The following MYO18B variants were observed in gnomAD, a reference collection of about 807,000 sequenced individuals.
MYO18B encodes myosin XVIIIB.
A neutral mutation model predicts 273.0 loss-of-function variants in MYO18B; 204 were observed. The ratio of observed to expected loss-of-function variants is 0.75; its 90% CI spans 0.67 to 0.84. The LOEUF is 0.84. Among genes scored for constraint, MYO18B ranks in the 40% least tolerant of loss-of-function variants. The probability of loss-of-function intolerance (pLI) is 0.00; values close to 1 mark genes in which losing one functional copy is unlikely to be tolerated. For synonymous variants in MYO18B, 1,330 were observed against 1,305.7 expected, an observed-to-expected ratio of 1.02 and a Z score of -0.40; for missense variants, 3,212 against 3,287.6, an observed-to-expected ratio of 0.98 and a Z score of 0.56.
intron 42 of MYO18B, among the ~76,000 whole-genome samples, chr22:26,014,649 A>AT (rs926813455): frequency 1.2e-4 from 18 of 151,730 alleles, no homozygotes; most frequent in African/African-American, 3.9e-4. Flanking sequence ...ATAAATAAAC[A>AT]TTTTTTTTTC....
chr22:26,018,487 G>A (rs1003008530), intron 42 of MYO18B, among the ~76,000 whole-genome samples: 6 of 152,132 alleles, frequency 3.9e-5, no homozygotes, highest in African/African-American at 9.7e-5. Flanking sequence ...CAGTTTTCTT[G>A]CCTGTGCAAT....
chr22:25,932,563 C>G (rs147288750), intron 34 of MYO18B, among the ~76,000 whole-genome samples: 1 of 152,104 alleles, frequency 6.6e-6, no homozygotes, highest in East Asian at 1.9e-4. Flanking sequence ...CATGCGTCAC[C>G]ATGCCCGGCT....
chr22:25,894,275 T>A (rs1389068967), intron 27 of MYO18B, among the ~76,000 whole-genome samples: 1 of 148,944 alleles, frequency 6.7e-6, no homozygotes, highest in Non-Finnish European at 1.5e-5. Context: ...CATTTCATTA[T>A]CTTGTACAAA....
chr22:26,055,551 T>G, the MYO18B span, among the ~76,000 whole-genome samples: 1 of 152,218 alleles, frequency 6.6e-6, no homozygotes, highest in Non-Finnish European at 1.5e-5. Context: ...CCCTTTGGAC[T>G]GGAGGGGAAA....
Position 25,745,648 on chromosome 22 carries a change from C to CA in MYO18B, c.-110+3355_-110+3356insA, listed in dbSNP as rs145116434. Among the ~76,000 whole-genome samples, 46 of 152,256 alleles carry CA rather than the reference C, an allele frequency of 3.0e-4. 1 individual carries two copies. In the East Asian group the frequency reaches 8.9e-3, roughly 29 times the overall value. On this transcript the variant is annotated intron_variant, in intron 1 of 43. Transcript: ENST00000335473. ...TGTGTTTCTCCCTGATGCTGATTTA[C>CA]TTTTAAGAATTGTAGTTTCTGGCAA...
At chr22:25,896,827 A>G (rs1049625259) in intron 28 of MYO18B, 2 of 152,132 alleles carry the variant, frequency 1.3e-5, no homozygotes, top group Non-Finnish European at 1.5e-5. Context: ...ACCATGGCCA[A>G]TTTCAAACTA....
At chr22:25,962,736 A>G (rs1189338102) in intron 39 of MYO18B, among the ~76,000 whole-genome samples, 2 of 152,214 alleles carry the variant, frequency 1.3e-5, no homozygotes, top group African/African-American at 4.8e-5. Context: ...AAGATGCATC[A>G]TTCATCTGAA....
the MYO18B span, among the ~76,000 whole-genome samples, chr22:26,038,433 C>G: frequency 1.3e-5 from 2 of 151,890 alleles, no homozygotes; most frequent in East Asian, 3.9e-4. Context: ...TGAGCCTTCT[C>G]AGGTTCTCTT....
intron 1 of MYO18B, 22 bp from the exon 2 acceptor site, chr22:25,760,962 C>A: frequency 9.9e-7 from 1 of 1,010,494 alleles, no homozygotes; most frequent in East Asian, 2.4e-5. Context: ...TCTTCTCTCC[C>A]CACTGTGTCC....
chr22:25,890,693 G>A (rs1318678458), intron 25 of MYO18B, 63 bp from the exon 26 acceptor site: 1 of 1,592,886 alleles, frequency 6.3e-7, no homozygotes, highest in East Asian at 2.3e-5. Flanking sequence ...CTGTGCATGG[G>A]GAGAGAAGGG....
At chr22:25,960,163 A>G (rs80096898) in intron 39 of MYO18B, among the ~76,000 whole-genome samples, 2,127 of 152,340 alleles carry the variant, frequency 0.014, 23 homozygotes, top group Non-Finnish European at 0.023. Context: ...AGGTTTTCCC[A>G]TTAATTTTAG....
chr22:25,832,084 AT>A (rs149817917), intron 15 of MYO18B, among the ~76,000 whole-genome samples: 100 of 152,192 alleles, frequency 6.6e-4, no homozygotes, highest in Non-Finnish European at 9.0e-4. Context: ...AATGGCTACT[AT>A]TAAAAAAAAT....
chr22:25,857,285 T>C (rs535056825), intron 21 of MYO18B, among the ~76,000 whole-genome samples: 1 of 152,330 alleles, frequency 6.6e-6, no homozygotes, highest in South Asian at 2.1e-4. Flanking sequence ...CTGATCGATG[T>C]GAGGAAACCC....
At chr22:25,822,528 T>G (rs565735810) in intron 12 of MYO18B, among the ~76,000 whole-genome samples, 1 of 152,354 alleles carries the variant, frequency 6.6e-6, no homozygotes, top group South Asian at 2.1e-4. Context: ...CTCATTGATT[T>G]TGGTGGCAGA....
Position 26,026,669 on chromosome 22 carries a change from G to GCCA in MYO18B, c.6695_6696insCCA (p.Ser2232_Thr2233insHis). On this transcript the variant is annotated inframe_insertion, in exon 43 of 44. Coordinates refer to ENST00000335473, the MANE Select transcript of MYO18B (RefSeq NM_032608.7). ...GCTTCCTCTCCCCTGGCTTCTCGGA[G>GCCA]TACAAATACATCCCCGCTGTCGAGG... 1 of 1,613,908 alleles carries GCCA rather than the reference G, an allele frequency of 6.2e-7. No individual in the cohort carries two copies. Among genetic ancestry groups the GCCA allele is most frequent in the South Asian group, 1.1e-5 (1 of 91,056 alleles).
At chr22:25,874,137 T>C (rs557588812) in intron 22 of MYO18B, 149 bp from the exon 23 acceptor site, 3 of 902,194 alleles carry the variant, frequency 3.3e-6, no homozygotes, top group Non-Finnish European at 5.2e-6. Flanking sequence ...CTTTGATAAT[T>C]TAGACTCCCC....
At chr22:25,773,532 C>T (rs1031846100) in intron 7 of MYO18B, among the ~76,000 whole-genome samples, 1 of 152,084 alleles carries the variant, frequency 6.6e-6, no homozygotes, top group African/African-American at 2.4e-5. Context: ...GGCACGATCT[C>T]GGCTCACTGC....
chr22:25,909,529 A>G (rs1569179954), intron 32 of MYO18B, among the ~76,000 whole-genome samples: 1 of 152,192 alleles, frequency 6.6e-6, no homozygotes, highest in East Asian at 1.9e-4. Context: ...AGGAGATGGA[A>G]TCTCTCAGTC....
At chr22:25,796,970 G>A (rs550206979) in intron 11 of MYO18B, among the ~76,000 whole-genome samples, 12 of 152,338 alleles carry the variant, frequency 7.9e-5, no homozygotes, top group African/African-American at 2.9e-4. Flanking sequence ...GCTCACGCCT[G>A]TAATCCCAGC....
Sources: allele counts gnomAD v4.1 joint callset (sites outside exome capture counted in the v4.1 genomes callset), GRCh38; gene constraint gnomAD v4.1.1; transcripts MANE v1.5; gene names NCBI Gene and HGNC (gene_info 2026-07-23, HGNC 2026-07-21).